Variants in TTC28 observed in about 807,000 individuals in gnomAD.
The protein encoded by TTC28 is tetratricopeptide repeat domain 28, also known as tetratricopeptide repeat protein 28.
TTC28 carries 61 observed loss-of-function variants against 198.0 expected under a neutral mutation model. The ratio of observed to expected loss-of-function variants is 0.31; its 90% CI spans 0.25 to 0.38. TTC28 has a LOEUF of 0.38. TTC28 is among the 10% of genes least tolerant of loss of function. The pLI is 1.00. For synonymous variants in TTC28, 1,171 were observed against 1,297.8 expected, an observed-to-expected ratio of 0.90 and a Z score of 2.10; for missense variants, 2,678 against 3,164.0, an observed-to-expected ratio of 0.85 and a Z score of 3.69.
At chr22:27,984,381 A>T (rs138637) in intron 22 of TTC28, among the ~76,000 whole-genome samples, 14,472 of 152,056 alleles carry the variant, frequency 0.095, 769 homozygotes, top group African/African-American at 0.13. Flanking sequence ...TGAGGTCCAC[A>T]CTGCCAAATC....
rs1191986381 is a variant in TTC28 at position 28,155,403 on chromosome 22, C to CAT, written c.1441+7687_1441+7688dup. 2.0e-5 allele frequency among the ~76,000 whole-genome samples: 3 copies of CAT among 152,148 alleles called. No individual in the cohort carries two copies. The South Asian group carries it at 6.2e-4, about 32-fold the overall frequency. ...CTGATATGGAAACCACAGAGTAGAA[C>CAT]ATAGTTCATAGTTCCAATGAACTTC... On this transcript the variant is annotated intron_variant, in intron 6 of 22. Coordinates refer to ENST00000397906, the MANE Select transcript of TTC28 (RefSeq NM_001145418.2).
At chr22:28,282,929 T>A (rs1278421237) in intron 5 of TTC28, among the ~76,000 whole-genome samples, 1 of 152,116 alleles carries the variant, frequency 6.6e-6, no homozygotes, top group Non-Finnish European at 1.5e-5. Flanking sequence ...ATTCCCTGGG[T>A]GTACAATTTC....
chr22:28,543,971 A>C (rs2145940062), intron 2 of TTC28, among the ~76,000 whole-genome samples: 1 of 152,362 alleles, frequency 6.6e-6, no homozygotes, highest in African/African-American at 2.4e-5. Flanking sequence ...CTGTAATCCC[A>C]GCACTTTGAG....
At chr22:28,270,883 CA>C (rs1392529053) in intron 5 of TTC28, among the ~76,000 whole-genome samples, 1 of 152,166 alleles carries the variant, frequency 6.6e-6, no homozygotes, top group African/African-American at 2.4e-5. Flanking sequence ...AACAAACAAA[CA>C]AAACAAAAGC....
At chr22:28,212,312 C>T (rs565202649) in intron 5 of TTC28, among the ~76,000 whole-genome samples, 1 of 151,526 alleles carries the variant, frequency 6.6e-6, no homozygotes, top group African/African-American at 2.4e-5. Flanking sequence ...CACAAAAAAC[C>T]CTTCAAAAAA....
intron 17 of TTC28, among the ~76,000 whole-genome samples, chr22:27,994,155 C>T (rs1223499509): frequency 2.0e-5 from 3 of 152,166 alleles, no homozygotes; most frequent in Non-Finnish European, 2.9e-5. Flanking sequence ...GGCTAAGTGG[C>T]GGCAGCTGAG....
chr22:28,627,588 C>G (rs557143958), intron 2 of TTC28, among the ~76,000 whole-genome samples: 5 of 151,792 alleles, frequency 3.3e-5, no homozygotes, highest in African/African-American at 9.7e-5. Context: ...CCTGCCACCA[C>G]GCCCAGCTAA....
intron 2 of TTC28, among the ~76,000 whole-genome samples, chr22:28,505,073 G>A (rs1440852203): frequency 2.6e-5 from 4 of 151,824 alleles, no homozygotes; most frequent in Non-Finnish European, 4.4e-5. Context: ...TGGCTAACAC[G>A]GTGAAACCCC....
intron 2 of TTC28, among the ~76,000 whole-genome samples, chr22:28,600,977 TATC>T (rs943198239): frequency 7.2e-5 from 11 of 152,316 alleles, no homozygotes; most frequent in Admixed American, 4.6e-4. Flanking sequence ...ATTAGTATTT[TATC>T]ATCAAGAAAA....
intron 1 of TTC28, among the ~76,000 whole-genome samples, chr22:28,637,859 G>C (rs1196328625): frequency 2.0e-5 from 3 of 151,754 alleles, no homozygotes; most frequent in Non-Finnish European, 2.9e-5. Flanking sequence ...TGAAAGTGAA[G>C]GGACAGAAAA....
chr22:28,215,160 A>T (rs899042577), intron 5 of TTC28, among the ~76,000 whole-genome samples: 1 of 152,226 alleles, frequency 6.6e-6, no homozygotes, highest in Non-Finnish European at 1.5e-5. Context: ...GAGGGATAGC[A>T]TTAAGAGATA....
intron 2 of TTC28, among the ~76,000 whole-genome samples, chr22:28,602,980 A>C (rs929788353): frequency 1.7e-4 from 26 of 152,302 alleles, no homozygotes; most frequent in African/African-American, 5.5e-4. Context: ...CCCGGGTTCC[A>C]GCGATTCTCC....
chr22:28,464,669 A>G (rs990609554), intron 2 of TTC28, among the ~76,000 whole-genome samples: 5 of 152,188 alleles, frequency 3.3e-5, no homozygotes, highest in Non-Finnish European at 7.3e-5. Context: ...TTAAAATGAA[A>G]TATCCTCTTT....
At chr22:28,534,018 A>C (rs1031511036) in intron 2 of TTC28, among the ~76,000 whole-genome samples, 2 of 152,212 alleles carry the variant, frequency 1.3e-5, no homozygotes, top group African/African-American at 4.8e-5. Flanking sequence ...TTCATGACTA[A>C]AACACCAAAA....
intron 2 of TTC28, among the ~76,000 whole-genome samples, chr22:28,360,127 TTC>T (rs149471461): frequency 6.6e-6 from 1 of 152,134 alleles, no homozygotes; most frequent in East Asian, 1.9e-4. Flanking sequence ...CTTCTCCTCT[TTC>T]TCTCTCTCTC....
intron 17 of TTC28, among the ~76,000 whole-genome samples, chr22:27,995,638 C>G (rs1937537905): frequency 6.6e-6 from 1 of 152,166 alleles, no homozygotes; most frequent in Non-Finnish European, 1.5e-5. Flanking sequence ...GGACTCTGCG[C>G]CAAGTACTCA....
intron 5 of TTC28, among the ~76,000 whole-genome samples, chr22:28,194,270 C>G (rs1032837944): frequency 2.0e-5 from 3 of 152,082 alleles, no homozygotes; most frequent in African/African-American, 7.2e-5. Context: ...ATCTCTGGGA[C>G]ACATTTAAAG....
intron 2 of TTC28, among the ~76,000 whole-genome samples, chr22:28,602,404 A>T (rs941317551): frequency 6.6e-6 from 1 of 152,220 alleles, no homozygotes; most frequent in African/African-American, 2.4e-5. Flanking sequence ...TGTGGTTTAG[A>T]AAGCAGTACT....
intron 12 of TTC28, among the ~76,000 whole-genome samples, chr22:28,059,843 A>G (rs1940441720): frequency 1.3e-5 from 2 of 150,348 alleles, no homozygotes; most frequent in Admixed American, 1.3e-4. Flanking sequence ...TAAATATTAA[A>G]TTAATATTTA....
Sources: gnomAD v4.1 joint callset for allele counts (sites outside exome capture counted in the v4.1 genomes callset) on GRCh38, gnomAD v4.1.1 for gene constraint, MANE v1.5 for transcripts, NCBI Gene and HGNC (gene_info 2026-07-23, HGNC 2026-07-21) for gene names.